The following MAGI3 variants were observed in gnomAD, a reference collection of about 807,000 sequenced individuals.
The protein encoded by MAGI3 is membrane-associated guanylate kinase, WW and PDZ domain-containing protein 3.
In MAGI3, 43 loss-of-function variants were observed where a neutral mutation model predicts 121.8. The ratio of observed to expected loss-of-function variants is 0.35; its 90% CI spans 0.28 to 0.46. The LOEUF is 0.46. MAGI3 is among the 20% of genes least tolerant of loss of function. The pLI is 1.00. For missense variants in MAGI3, 1,547 were observed against 1,797.3 expected (o/e 0.86, Z 2.52); for synonymous variants, 553 against 639.3 (o/e 0.86, Z 2.04).
chr1:113,522,444 T>C (rs1336403709), intron 1 of MAGI3, among the ~76,000 whole-genome samples: 2 of 152,222 alleles, frequency 1.3e-5, no homozygotes, highest in Non-Finnish European at 2.9e-5. Flanking sequence ...TGCTTATCTT[T>C]GTCTTCTGTC....
At position 113,641,983 on chromosome 1, in the gene MAGI3, A is replaced by C. The variant is rs1652567487; in HGVS notation, c.1433A>C (p.Gln478Pro). ...CATGCAGATGTTGTCCAGATGTTTC[A>C]ATTGGTACCTGTCAATCAGTATGTA... ...HTHADVVQMF[Q>P]LVPVNQYVNL... The change falls in exon 10 of 21, where the codon CAA (glutamine) becomes CCA (proline). Residue 478 changes from glutamine (Q) to proline (P), a missense_variant. Gln to Pro is a moderately conservative substitution (Grantham distance 76). Coordinates refer to ENST00000307546, the MANE Select transcript of MAGI3 (RefSeq NM_001142782.2). 1 of 1,613,758 alleles carries C rather than the reference A, an allele frequency of 6.2e-7. No individual in the cohort carries two copies. The highest frequency in any genetic ancestry group is 8.5e-7 in the Non-Finnish European group (1 of 1,179,796).
chr1:113,490,853 T>C (rs1426896011), intron 1 of MAGI3, among the ~76,000 whole-genome samples: 1 of 152,176 alleles, frequency 6.6e-6, no homozygotes, highest in African/African-American at 2.4e-5. Context: ...TATACGTATA[T>C]ACACCCAACA....
chr1:113,550,266 A>T (rs1659715561), intron 2 of MAGI3, among the ~76,000 whole-genome samples: 1 of 150,794 alleles, frequency 6.6e-6, no homozygotes, highest in Admixed American at 6.6e-5. Context: ...AAAAAAAAAA[A>T]ATTAGCCGGG....
chr1:113,415,685 A>T (rs1228483708), intron 1 of MAGI3, among the ~76,000 whole-genome samples: 3 of 151,664 alleles, frequency 2.0e-5, no homozygotes, highest in East Asian at 1.9e-4. Context: ...GACCCAGCCT[A>T]CTCTTCCAGC....
At chr1:113,447,402 GC>G (rs1654226254) in intron 1 of MAGI3, among the ~76,000 whole-genome samples, 1 of 152,198 alleles carries the variant, frequency 6.6e-6, no homozygotes, top group African/African-American at 2.4e-5. Context: ...TGAGACAGTA[GC>G]ATTAAATCAT....
At chr1:113,396,091 T>C (rs1002921664) in intron 1 of MAGI3, among the ~76,000 whole-genome samples, 1 of 152,130 alleles carries the variant, frequency 6.6e-6, no homozygotes, top group Admixed American at 6.5e-5. Context: ...CTAAATTCAT[T>C]CAAGTGTCTG....
At chr1:113,608,460 C>T (rs921764125) in intron 6 of MAGI3, among the ~76,000 whole-genome samples, 2 of 152,118 alleles carry the variant, frequency 1.3e-5, no homozygotes, top group African/African-American at 2.4e-5. Context: ...TGAATGTTAG[C>T]CCTGCATGTA....
At chr1:113,442,149 A>G (rs1653950438) in intron 1 of MAGI3, among the ~76,000 whole-genome samples, 1 of 152,192 alleles carries the variant, frequency 6.6e-6, no homozygotes, top group African/African-American at 2.4e-5. Flanking sequence ...AATAAACATA[A>G]TAATGATTAT....
intron 6 of MAGI3, among the ~76,000 whole-genome samples, chr1:113,598,002 A>G (rs1649124454): frequency 6.6e-6 from 1 of 152,178 alleles, no homozygotes; most frequent in Admixed American, 6.5e-5. Flanking sequence ...TAATGAGGTC[A>G]GGAGTTCAAG....
At chr1:113,486,838 A>G (rs867624924) in intron 1 of MAGI3, among the ~76,000 whole-genome samples, 3 of 151,888 alleles carry the variant, frequency 2.0e-5, no homozygotes, top group South Asian at 4.2e-4. Flanking sequence ...TTTCGTGGAG[A>G]CAGGATCTTG....
chr1:113,620,495 A>T (rs1486436388), intron 8 of MAGI3, among the ~76,000 whole-genome samples: 1 of 152,200 alleles, frequency 6.6e-6, no homozygotes, highest in East Asian at 1.9e-4. Context: ...TAGATTCTCC[A>T]CTTCGGTTGC....
intron 2 of MAGI3, chr1:113,576,928 A>C (rs1647684135): frequency 6.6e-6 from 1 of 152,200 alleles, no homozygotes; most frequent in South Asian, 2.1e-4. Flanking sequence ...ATATTGGAAA[A>C]ATCTTATAAG....
intron 6 of MAGI3, among the ~76,000 whole-genome samples, chr1:113,604,795 G>A (rs1184859904): frequency 1.3e-5 from 2 of 151,202 alleles, no homozygotes; most frequent in African/African-American, 2.4e-5. Context: ...AAACAAAGTC[G>A]TATAATAGAC....
intron 1 of MAGI3, among the ~76,000 whole-genome samples, chr1:113,448,690 A>C (rs555857425): frequency 6.6e-6 from 1 of 152,066 alleles, no homozygotes; most frequent in African/African-American, 2.4e-5. Flanking sequence ...ATGGGATCTC[A>C]CCATGTTGCC....
intron 1 of MAGI3, among the ~76,000 whole-genome samples, chr1:113,445,506 T>C (rs1201752177): frequency 6.6e-6 from 1 of 152,112 alleles, no homozygotes; most frequent in Non-Finnish European, 1.5e-5. Context: ...TTACTCAGGA[T>C]ACTTGGGAGG....
Position 113,673,382 on chromosome 1 carries a change from C to G in MAGI3, c.3106C>G (p.Arg1036Gly). Reference sequence around the variant, plus strand: ...CCCCCGGGGCTTTGGATTCAGCCTCCGAGGGGGGAAGGAGTACAACATGGG... The same window carrying G: ...CCCCCGGGGCTTTGGATTCAGCCTCGGAGGGGGGAAGGAGTACAACATGGG... ...RGPRGFGFSL[R>G]GGKEYNMGLF... Residue 1036 changes from arginine to glycine, a missense_variant, in exon 19 of 21, where the codon CGA becomes GGA. Transcript: ENST00000307546. 6.2e-7 allele frequency: 1 copy of G among 1,612,064 alleles called. No homozygotes were observed. Among genetic ancestry groups the G allele is most frequent in the Admixed American group, 1.7e-5 (1 of 59,612 alleles).
intron 1 of MAGI3, among the ~76,000 whole-genome samples, chr1:113,471,248 T>C (rs950094642): frequency 6.6e-6 from 1 of 152,156 alleles, no homozygotes; most frequent in African/African-American, 2.4e-5. Flanking sequence ...TTTAACAAAT[T>C]CAAGAAGATT....
At chr1:113,626,208 A>G (rs545652477) in intron 9 of MAGI3, among the ~76,000 whole-genome samples, 2 of 152,294 alleles carry the variant, frequency 1.3e-5, no homozygotes, top group East Asian at 1.9e-4. Context: ...CAGGTGATCC[A>G]TCTGCTTCAA....
intron 1 of MAGI3, among the ~76,000 whole-genome samples, chr1:113,479,543 T>C (rs998372075): frequency 2.0e-5 from 3 of 152,344 alleles, no homozygotes; most frequent in Admixed American, 6.5e-5. Flanking sequence ...GTCTTTGACA[T>C]TTGAGAATTT....
Sources: allele counts gnomAD v4.1 joint callset (sites outside exome capture counted in the v4.1 genomes callset), GRCh38; gene constraint gnomAD v4.1.1; transcripts MANE v1.5; gene names NCBI Gene and HGNC (gene_info 2026-07-23, HGNC 2026-07-21).